Variants in ASH2L observed in about 807,000 individuals in gnomAD.
ASH2L encodes the protein ASH2 like, histone lysine methyltransferase complex subunit, also known as set1/Ash2 histone methyltransferase complex subunit ASH2.
In ASH2L, 30 loss-of-function variants were observed where a neutral mutation model predicts 81.1. The observed-to-expected ratio is 0.37, with a 90% CI of 0.28 to 0.50. The LOEUF (loss-of-function observed/expected upper bound fraction) is 0.50. ASH2L is among the 20% of genes least tolerant of loss of function. The probability of loss-of-function intolerance (pLI) is 0.95; values close to 1 mark genes in which losing one functional copy is unlikely to be tolerated. For synonymous variants in ASH2L, 273 were observed against 279.9 expected (o/e 0.98, Z 0.24); for missense variants, 559 against 792.1 (o/e 0.71, Z 3.53).
intron 8 of ASH2L, 129 bp downstream of exon 8, chr8:38,116,854 CA>C (rs1169365299): frequency 1.4e-6 from 1 of 740,618 alleles, no homozygotes; most frequent in African/African-American, 1.8e-5. Flanking sequence ...AGTTCAAACT[CA>C]ATTTTTAGGA....
In ASH2L at chr8:38,139,190, C is replaced by A; in HGVS notation, c.*119C>A. 2 of 840,132 alleles carry A rather than the reference C, an allele frequency of 2.4e-6. No individual in the cohort carries two copies. Among genetic ancestry groups the A allele is most frequent in the Non-Finnish European group, 1.8e-6 (1 of 552,754 alleles). 52.0% of individuals were successfully genotyped at this position (840,132 alleles called of 1,614,324 possible). ...CTAAAAACACAGCCTCTCCTTTTAG[C>A]AAGTTAAAAGGCTGGGTAGGACTGC... On this transcript the variant is annotated 3_prime_UTR_variant, in exon 16 of 16. Coordinates refer to ENST00000343823, the MANE Select transcript of ASH2L (RefSeq NM_004674.5).
At chr8:38,129,006 T>G in intron 12 of ASH2L, 55 bp downstream of exon 12, 2 of 1,569,576 alleles carry the variant, frequency 1.3e-6, no homozygotes, top group Non-Finnish European at 1.7e-6. Context: ...TGGCAGCCAG[T>G]GCTTATCACT....
chr8:38,130,227 C>CTTTTTT (rs71216650), intron 12 of ASH2L, among the ~76,000 whole-genome samples: 69 of 86,072 alleles, frequency 8.0e-4, no homozygotes, highest in East Asian at 1.3e-3. Context: ...CTTCTCTGTT[C>CTTTTTT]TTTTTTTTTT....
chr8:38,107,255 A>C, intron 3 of ASH2L, 89 bp downstream of exon 3: 1 of 1,536,700 alleles, frequency 6.5e-7, no homozygotes, highest in Non-Finnish European at 9.0e-7. Flanking sequence ...AAATAAATGC[A>C]AAGTATTTCC....
intron 1 of ASH2L, 170 bp from the exon 2 acceptor site, chr8:38,106,208 C>A: frequency 6.9e-7 from 1 of 1,448,976 alleles, no homozygotes; most frequent in Non-Finnish European, 9.4e-7. Flanking sequence ...CTGACATGTC[C>A]ACCTTCTCAG....
chr8:38,106,262 G>A, intron 1 of ASH2L, 116 bp from the exon 2 acceptor site: 6 of 1,365,632 alleles, frequency 4.4e-6, no homozygotes, highest in Non-Finnish European at 6.2e-6. Context: ...ATCAGGCTTA[G>A]CTGAAAAAGC....
chr8:38,116,794 C>A (rs1810922006), intron 8 of ASH2L, 69 bp downstream of exon 8: 2 of 1,330,838 alleles, frequency 1.5e-6, no homozygotes, highest in Non-Finnish European at 2.1e-6. Context: ...CTAGAACTGG[C>A]CATTCTTTGG....
At chr8:38,135,555 G>A (rs936901448) in intron 13 of ASH2L, 113 bp from the exon 14 acceptor site, 2 of 689,354 alleles carry the variant, frequency 2.9e-6, no homozygotes, top group Admixed American at 5.5e-5. Context: ...CACTGTTCTT[G>A]GGTGAGTGAC....
chr8:38,115,879 T>C (rs1810870714), intron 7 of ASH2L, among the ~76,000 whole-genome samples: 1 of 152,188 alleles, frequency 6.6e-6, no homozygotes, highest in Admixed American at 6.5e-5. Flanking sequence ...CAAGGTTGCT[T>C]GCTGGTCCTT....
chr8:38,117,580 A>G lies in ASH2L; in HGVS notation c.853+855A>G, dbSNP rs560454411. The stretch of plus-strand genomic sequence containing the variant: ...AGCTAAAAACTACATAATTTGAAGC[A>G]TTATGAAAATGGCGGCAATAGCACT... On this transcript the variant is annotated intron_variant, in intron 8 of 15. Transcript: ENST00000343823. The G allele has an allele frequency of 1.4e-5, 8 of 583,256 alleles. No homozygotes were observed. The South Asian group carries it at 6.1e-4, about 44-fold the overall frequency. The allele number at this position is 583,256 out of a possible 1,614,324, so 36.1% of individuals were successfully genotyped here.
chr8:38,129,526 A>G (rs1801974476), intron 12 of ASH2L, among the ~76,000 whole-genome samples: 1 of 152,170 alleles, frequency 6.6e-6, no homozygotes, highest in Admixed American at 6.5e-5. Context: ...TGGGAGAATC[A>G]TTCAGCCCAG....
intron 8 of ASH2L, chr8:38,117,533 C>G (rs1563253635): frequency 2.1e-6 from 2 of 941,758 alleles, no homozygotes; most frequent in South Asian, 9.8e-5. Context: ...TTGGAAAATG[C>G]TTTTTGCTGA....
chr8:38,137,388 A>AT (rs1802300971), intron 14 of ASH2L: 1 of 66,006 alleles, frequency 1.5e-5, no homozygotes, highest in Non-Finnish European at 3.1e-5. Flanking sequence ...CTCTAAAAAT[A>AT]CAAAAAAAAA....
At chr8:38,136,706 C>T (rs1246185337) in intron 14 of ASH2L, among the ~76,000 whole-genome samples, 3 of 148,752 alleles carry the variant, frequency 2.0e-5, no homozygotes, top group East Asian at 4.0e-4. Context: ...ACCCAGGAGG[C>T]GGAGGTTGCA....
At chr8:38,135,125 A>T (rs1366831114) in intron 13 of ASH2L, among the ~76,000 whole-genome samples, 3 of 152,182 alleles carry the variant, frequency 2.0e-5, no homozygotes, top group African/African-American at 7.2e-5. Context: ...TCCTGGCCTC[A>T]AGTAATCCTC....
At chr8:38,119,552 T>A (rs574756822) in intron 9 of ASH2L, among the ~76,000 whole-genome samples, 189 bp downstream of exon 9, 4 of 152,244 alleles carry the variant, frequency 2.6e-5, no homozygotes, top group African/African-American at 9.6e-5. Flanking sequence ...ATGCGTGTAA[T>A]CCCAGCACTT....
chr8:38,137,486 C>T, intron 14 of ASH2L: 1 of 152,174 alleles, frequency 6.6e-6, no homozygotes, highest in Non-Finnish European at 1.5e-5. Flanking sequence ...TGGCGTGAAC[C>T]CAGGAAGTGG....
In ASH2L at chr8:38,138,973, A is replaced by G; in HGVS notation, c.1789A>G (p.Met597Val). The G allele has an allele frequency of 3.1e-6, 5 of 1,614,018 alleles. No homozygotes were observed. The highest frequency in any genetic ancestry group is 3.4e-6 in the Non-Finnish European group (4 of 1,179,898). Residue 597 changes from methionine (M) to valine (V), a missense_variant, in exon 16 of 16, where the codon ATG becomes GTG. Coordinates refer to ENST00000343823, the MANE Select transcript of ASH2L (RefSeq NM_004674.5). Reference protein sequence around the residue: ...KDLTYRPMSDMGWGAVVEHTL... With the variant: ...KDLTYRPMSDVGWGAVVEHTL... ...CTCATTCCTCCTGCAGATGAGTGAC[A>G]TGGGCTGGGGCGCCGTGGTAGAGCA...
chr8:38,124,565 G>GA (rs2130537700), intron 10 of ASH2L: 1 of 152,438 alleles, frequency 6.6e-6, no homozygotes, highest in Admixed American at 6.5e-5. Context: ...ACCCAGGCTG[G>GA]AGTGCAGTGG....
Sources: gnomAD v4.1 joint callset for allele counts (sites outside exome capture counted in the v4.1 genomes callset) on GRCh38, gnomAD v4.1.1 for gene constraint, MANE v1.5 for transcripts, NCBI Gene and HGNC (gene_info 2026-07-23, HGNC 2026-07-21) for gene names.